MPP7: variants seen among roughly 807,000 people sequenced by gnomAD.
The protein encoded by MPP7 is MAGUK p55 subfamily member 7.
In MPP7, 60 loss-of-function variants were observed where a neutral mutation model predicts 76.5. The ratio of observed to expected loss-of-function variants is 0.78; its 90% CI spans 0.64 to 0.97. The LOEUF is 0.97. Ranked by LOEUF, MPP7 falls within the 50% of genes least tolerant of loss-of-function variation. MPP7 has a pLI of 0.00. For synonymous variants in MPP7, 237 were observed against 244.5 expected, an observed-to-expected ratio of 0.97 and a Z score of 0.29; for missense variants, 641 against 694.0, an observed-to-expected ratio of 0.92 and a Z score of 0.86.
At chr10:28,167,473 G>A (rs906167413) in intron 3 of MPP7, among the ~76,000 whole-genome samples, 12 of 152,162 alleles carry the variant, frequency 7.9e-5, no homozygotes, top group African/African-American at 2.2e-4. Context: ...CTGCATAAGC[G>A]GGAAGGAAAG....
At chr10:28,164,813 C>G (rs2801841) in intron 3 of MPP7, among the ~76,000 whole-genome samples, 113,532 of 151,892 alleles carry the variant, frequency 0.75, 42,578 homozygotes, top group Middle Eastern at 0.84. Flanking sequence ...AGAAGTGGGG[C>G]AGGGCTGAGG....
intron 5 of MPP7, among the ~76,000 whole-genome samples, chr10:28,141,730 C>T (rs559065615): frequency 2.6e-5 from 4 of 151,970 alleles, no homozygotes; most frequent in South Asian, 2.1e-4. Context: ...TAAATTGCCA[C>T]TGTCTCTGGA....
At chr10:28,333,718 AAG>A (rs1286982369) in intron 1 of MPP7, among the ~76,000 whole-genome samples, 2 of 152,226 alleles carry the variant, frequency 1.3e-5, no homozygotes, top group African/African-American at 4.8e-5. Context: ...TCCATTTGAA[AAG>A]AGATACATGT....
chr10:28,164,008 A>G (rs1247039844), intron 3 of MPP7, among the ~76,000 whole-genome samples: 1 of 152,164 alleles, frequency 6.6e-6, no homozygotes, highest in Non-Finnish European at 1.5e-5. Context: ...AGAAGTAGAG[A>G]TCAAATGTAG....
At chr10:28,287,214 T>A (rs1191548271) in intron 1 of MPP7, among the ~76,000 whole-genome samples, 1 of 152,164 alleles carries the variant, frequency 6.6e-6, no homozygotes, top group Non-Finnish European at 1.5e-5. Context: ...AAAAATTAGA[T>A]ACTTGGAAAA....
chr10:28,221,118 T>C (rs1274708575), intron 2 of MPP7, among the ~76,000 whole-genome samples: 2 of 152,074 alleles, frequency 1.3e-5, no homozygotes, highest in East Asian at 3.9e-4. Context: ...GGGAAAGACA[T>C]GGTAGGTTAG....
chr10:28,180,521 CTATT>C (rs1387169679), intron 3 of MPP7, among the ~76,000 whole-genome samples: 1 of 152,132 alleles, frequency 6.6e-6, no homozygotes, highest in Non-Finnish European at 1.5e-5. Context: ...ATGTTAATAA[CTATT>C]TATTTTAATT....
intron 1 of MPP7, among the ~76,000 whole-genome samples, chr10:28,270,192 G>A (rs1000535878): frequency 1.3e-5 from 2 of 152,182 alleles, no homozygotes; most frequent in Non-Finnish European, 2.9e-5. Context: ...CTTACGGAAC[G>A]GGAAGATTTT....
chr10:28,238,294 A>G (rs1046874777), intron 2 of MPP7, among the ~76,000 whole-genome samples: 2 of 152,142 alleles, frequency 1.3e-5, no homozygotes, highest in Non-Finnish European at 2.9e-5. Context: ...CAAATACTTA[A>G]TTTTTTAAAT....
chr10:28,285,923 G>A (rs1185223084), intron 1 of MPP7, among the ~76,000 whole-genome samples: 2 of 151,576 alleles, frequency 1.3e-5, no homozygotes, highest in African/African-American at 4.9e-5. Flanking sequence ...TGTTCTCTTT[G>A]TGATTATCTT....
At chr10:28,094,388 C>T (rs1031272934) in intron 11 of MPP7, among the ~76,000 whole-genome samples, 11 of 152,120 alleles carry the variant, frequency 7.2e-5, no homozygotes, top group Non-Finnish European at 1.6e-4. Context: ...CTAGGCTCTG[C>T]TGACTTACTT....
chr10:28,106,057 T>C (rs1404803208), intron 11 of MPP7, among the ~76,000 whole-genome samples: 1 of 152,192 alleles, frequency 6.6e-6, no homozygotes, highest in Admixed American at 6.5e-5. Context: ...TTGTCTGATG[T>C]AGAATGGTCT....
chr10:28,062,304 T>C (rs1416333905), intron 13 of MPP7, among the ~76,000 whole-genome samples: 1 of 152,044 alleles, frequency 6.6e-6, no homozygotes, highest in Non-Finnish European at 1.5e-5. Flanking sequence ...TGCAAGCAGG[T>C]CATGAATGGT....
intron 3 of MPP7, among the ~76,000 whole-genome samples, chr10:28,163,633 A>T (rs1836339411): frequency 6.6e-6 from 1 of 152,130 alleles, no homozygotes; most frequent in African/African-American, 2.4e-5. Flanking sequence ...CTGTAGTGGG[A>T]GAAAGAAGTG....
At chr10:28,109,634 T>C (rs578243994) in intron 11 of MPP7, among the ~76,000 whole-genome samples, 2 of 151,968 alleles carry the variant, frequency 1.3e-5, no homozygotes, top group South Asian at 4.2e-4. Flanking sequence ...TCTCAGAGCA[T>C]GCGAGTGCAA....
chr10:28,108,273 T>G (rs1834386729), intron 11 of MPP7, among the ~76,000 whole-genome samples: 1 of 152,172 alleles, frequency 6.6e-6, no homozygotes, highest in African/African-American at 2.4e-5. Flanking sequence ...AAATACAGGC[T>G]CTGGTGCATT....
chr10:28,301,460 T>C (rs927778191), intron 1 of MPP7, among the ~76,000 whole-genome samples: 1 of 152,192 alleles, frequency 6.6e-6, no homozygotes, highest in Non-Finnish European at 1.5e-5. Context: ...GCAACCTGAA[T>C]GGAAAGAAAA....
At chr10:28,280,249 G>C (rs1423136021) in intron 1 of MPP7, 1 of 152,000 alleles carries the variant, frequency 6.6e-6, no homozygotes, top group Non-Finnish European at 1.5e-5. Flanking sequence ...ATATGTGGGC[G>C]AAAAGTCTCC....
chr10:28,227,348 G>A (rs1588952437), intron 2 of MPP7, among the ~76,000 whole-genome samples: 1 of 152,070 alleles, frequency 6.6e-6, no homozygotes, highest in South Asian at 2.1e-4. Flanking sequence ...TGTGCAGGAC[G>A]TACAGGTTTG....
Sources: gnomAD v4.1 joint callset for allele counts (sites outside exome capture counted in the v4.1 genomes callset) on GRCh38, gnomAD v4.1.1 for gene constraint, MANE v1.5 for transcripts, NCBI Gene and HGNC (gene_info 2026-07-23, HGNC 2026-07-21) for gene names.